The following EXOSC10 variants were observed in gnomAD, a reference collection of about 807,000 sequenced individuals.
EXOSC10 encodes exosome component 10.
A neutral mutation model predicts 126.6 loss-of-function variants in EXOSC10; 94 were observed. That is an observed-to-expected ratio of 0.74 (90% confidence interval 0.63 to 0.88). The LOEUF is 0.88. EXOSC10 is among the 40% of genes least tolerant of loss of function. The pLI is 0.00. For missense variants in EXOSC10, 1,041 were observed against 1,100.5 expected (o/e 0.95, Z 0.77); for synonymous variants, 395 against 400.8 (o/e 0.99, Z 0.17).
intron 21 of EXOSC10, 90 bp downstream of exon 21, chr1:11,070,810 G>A: frequency 8.3e-7 from 1 of 1,203,050 alleles, no homozygotes; most frequent in South Asian, 1.4e-5. Context: ...ATAAAGCACA[G>A]GGCAAGCCCC....
At chr1:11,083,562 C>CAAAAAA (rs35412224) in intron 9 of EXOSC10, among the ~76,000 whole-genome samples, 6 of 65,856 alleles carry the variant, frequency 9.1e-5, no homozygotes, top group East Asian at 4.5e-4. Flanking sequence ...AACTCCGTCT[C>CAAAAAA]AAAAAAAAAA....
At chr1:11,098,322 T>G (rs1445389842) in intron 1 of EXOSC10, among the ~76,000 whole-genome samples, 166 bp from the exon 2 acceptor site, 3 of 152,212 alleles carry the variant, frequency 2.0e-5, no homozygotes, top group African/African-American at 4.8e-5. Context: ...AATACAATAC[T>G]GAACAGGAAA....
intron 1 of EXOSC10, among the ~76,000 whole-genome samples, chr1:11,098,995 G>A (rs1641271084): frequency 6.6e-6 from 1 of 152,206 alleles, no homozygotes; most frequent in African/African-American, 2.4e-5. Context: ...TAGTGGTCCA[G>A]GAACTATTGA....
chr1:11,082,915 G>A (rs908935837), intron 9 of EXOSC10, 37 bp from the exon 10 acceptor site: 14 of 1,525,104 alleles, frequency 9.2e-6, no homozygotes, highest in Non-Finnish European at 9.1e-7. Context: ...TACACTGGTA[G>A]CAGGCCACTC....
Position 11,087,925 on chromosome 1 carries a change from T to C in EXOSC10, c.835-15A>G. 1.3e-6 allele frequency: 2 copies of C among 1,505,568 alleles called. No homozygotes were observed. The highest frequency in any genetic ancestry group is 1.8e-6 in the Non-Finnish European group (2 of 1,089,068). The allele number at this position is 1,505,568 out of a possible 1,614,324, so 93.3% of individuals were successfully genotyped here. ...GGTCTGTATAACTGGATCAAGAGAA[T>C]AGTAAGAAAAAGGGAGGAATATAGA... On this transcript the variant is annotated splice_polypyrimidine_tract_variant and intron_variant, in intron 7 of 24. Coordinates refer to ENST00000376936, the MANE Select transcript of EXOSC10 (RefSeq NM_001001998.3).
At chr1:11,096,215 C>T (rs916067895) in intron 2 of EXOSC10, among the ~76,000 whole-genome samples, 16 of 151,540 alleles carry the variant, frequency 1.1e-4, no homozygotes, top group African/African-American at 3.9e-4. Flanking sequence ...AACTCCTGAC[C>T]CGAAGTGATC....
At chr1:11,095,582 C>T (rs1347706041) in intron 3 of EXOSC10, 176 bp downstream of exon 3, 13 of 468,122 alleles carry the variant, frequency 2.8e-5, no homozygotes, top group East Asian at 1.2e-4. Flanking sequence ...GGTGTGGTGG[C>T]GGGCGCCTGT....
At chr1:11,087,070 C>G (rs1165691298) in intron 9 of EXOSC10, among the ~76,000 whole-genome samples, 1 of 152,214 alleles carries the variant, frequency 6.6e-6, no homozygotes, top group African/African-American at 2.4e-5. Context: ...TTAAATGTTT[C>G]TTTTGTCTTC....
At chr1:11,084,540 G>A (rs1640380717) in intron 9 of EXOSC10, among the ~76,000 whole-genome samples, 1 of 152,178 alleles carries the variant, frequency 6.6e-6, no homozygotes, top group Non-Finnish European at 1.5e-5. Flanking sequence ...TGTCAGATGA[G>A]TAGGTTGCGA....
Position 11,091,011 on chromosome 1 carries a change from T to G in EXOSC10, c.643+3A>C. The G allele has an allele frequency of 3.1e-6, 5 of 1,613,618 alleles. No individual in the cohort carries two copies. The highest frequency in any genetic ancestry group is 4.2e-6 in the Non-Finnish European group (5 of 1,179,812). On this transcript the variant is annotated splice_donor_region_variant and intron_variant, in intron 5 of 24. Coordinates refer to ENST00000376936, the MANE Select transcript of EXOSC10 (RefSeq NM_001001998.3). ...AAACACAGGCAAAGTATGCACTATT[T>G]ACCTTGAGGGAGAGGTTTCTGAGCA...
At position 11,098,041 on chromosome 1, in the gene EXOSC10, T is replaced by C; in HGVS notation, c.227A>G (p.Gln76Arg). The change falls in exon 2 of 25, where the codon CAG (glutamine) becomes CGG (arginine). Residue 76 changes from glutamine to arginine, a missense_variant. Gln to Arg is a conservative substitution (Grantham distance 43). This residue lies in a region of EXOSC10 where 645 missense variants were observed against 656.3 expected (regional missense o/e 0.98). Transcript: ENST00000376936. ...FPGFQAFCET[Q>R]GDRLLQCMSR... ...TTACCACTGAAGCAACCTGTCTCCC[T>C]GTGTTTCGCAAAATGCTTGGAAGCC... 6.2e-7 allele frequency: 1 copy of C among 1,611,462 alleles called. No individual in the cohort carries two copies. Among genetic ancestry groups the C allele is most frequent in the Non-Finnish European group, 8.5e-7 (1 of 1,179,236 alleles).
intron 10 of EXOSC10, 26 bp downstream of exon 10, chr1:11,082,662 C>T (rs770032597): frequency 6.8e-6 from 11 of 1,612,388 alleles, no homozygotes; most frequent in Non-Finnish European, 8.5e-6. Context: ...CTGCCACCCA[C>T]ATTTCCTCAG....
intron 21 of EXOSC10, 161 bp downstream of exon 21, chr1:11,070,739 G>A (rs1639433916): frequency 1.4e-5 from 9 of 629,598 alleles, no homozygotes; most frequent in Admixed American, 2.9e-5. Flanking sequence ...TGGAGGTTTC[G>A]GAAATGAGGT....
chr1:11,095,211 C>CAA (rs1222636613), intron 3 of EXOSC10, among the ~76,000 whole-genome samples: 51 of 52,410 alleles, frequency 9.7e-4, no homozygotes, highest in African/African-American at 2.8e-3. Context: ...GACTCCGTCT[C>CAA]AAAAAAAAAA....
At chr1:11,074,199 A>T in intron 18 of EXOSC10, 32 bp downstream of exon 18, 1 of 1,543,274 alleles carries the variant, frequency 6.5e-7, no homozygotes, top group Non-Finnish European at 9.0e-7. Flanking sequence ...ATCTCTGCAT[A>T]TCCTGTCAGC....
At chr1:11,093,775 T>A (rs935071956) in intron 3 of EXOSC10, among the ~76,000 whole-genome samples, 3 of 152,132 alleles carry the variant, frequency 2.0e-5, no homozygotes, top group African/African-American at 7.2e-5. Flanking sequence ...AAATAGAATT[T>A]GCAAATCTTG....
chr1:11,091,757 T>C (rs1640819479), intron 3 of EXOSC10, among the ~76,000 whole-genome samples, 160 bp from the exon 4 acceptor site: 1 of 152,192 alleles, frequency 6.6e-6, no homozygotes, highest in Non-Finnish European at 1.5e-5. Context: ...CAGTTCTGAA[T>C]TGGGCTCACT....
At chr1:11,071,939 G>A in intron 20 of EXOSC10, 148 bp downstream of exon 20, 1 of 639,686 alleles carries the variant, frequency 1.6e-6, no homozygotes, top group Non-Finnish European at 2.7e-6. Context: ...CATCTGCCAG[G>A]ATAGATACTG....
chr1:11,089,444 TACTAAAAAAAAAA>T (rs1302386416), intron 6 of EXOSC10, among the ~76,000 whole-genome samples: 3 of 148,690 alleles, frequency 2.0e-5, no homozygotes, highest in African/African-American at 7.5e-5. Context: ...ACCCTGTCTC[TACTAAAAAAAAAA>T]AAGATACAAA....
Sources: allele counts gnomAD v4.1 joint callset (sites outside exome capture counted in the v4.1 genomes callset), GRCh38; gene constraint gnomAD v4.1.1; regional missense constraint gnomAD v4.1.1; transcripts MANE v1.5; gene names NCBI Gene and HGNC (gene_info 2026-07-23, HGNC 2026-07-21).